FAM219A: variants seen among roughly 807,000 people sequenced by gnomAD.
The protein encoded by FAM219A is protein FAM219A.
FAM219A carries 7 observed loss-of-function variants against 23.4 expected under a neutral mutation model. The observed-to-expected ratio is 0.30, with a 90% CI of 0.17 to 0.56. The LOEUF (loss-of-function observed/expected upper bound fraction) is 0.56, where lower values mean the gene tolerates loss of function less well. Ranked by LOEUF, FAM219A falls within the 20% of genes least tolerant of loss-of-function variation. The pLI is 0.92. For synonymous variants in FAM219A, 93 were observed against 99.0 expected (o/e 0.94, Z 0.36); for missense variants, 166 against 246.9 (o/e 0.67, Z 2.20).
At chr9:34,436,759 A>G (rs763316978) in intron 1 of FAM219A, among the ~76,000 whole-genome samples, 3 of 148,252 alleles carry the variant, frequency 2.0e-5, no homozygotes, top group Admixed American at 1.4e-4. Context: ...AAAGACCTAG[A>G]TTAGTTCTCA....
chr9:34,412,156 C>T (rs921569790), intron 1 of FAM219A, among the ~76,000 whole-genome samples: 2 of 152,016 alleles, frequency 1.3e-5, no homozygotes, highest in African/African-American at 4.8e-5. Flanking sequence ...GTGCAAGACG[C>T]CTGGGAAGGG....
At chr9:34,452,789 A>G (rs1433874696) in intron 1 of FAM219A, among the ~76,000 whole-genome samples, 1 of 152,010 alleles carries the variant, frequency 6.6e-6, no homozygotes, top group Non-Finnish European at 1.5e-5. Context: ...TACTCTTCCT[A>G]TGGCCAGTTC....
chr9:34,444,791 A>G (rs1227725455), intron 1 of FAM219A, among the ~76,000 whole-genome samples: 1 of 152,138 alleles, frequency 6.6e-6, no homozygotes, highest in Non-Finnish European at 1.5e-5. Flanking sequence ...TAGCAGCCTT[A>G]CCTGACATCC....
intron 1 of FAM219A, among the ~76,000 whole-genome samples, chr9:34,419,930 C>T (rs954357045): frequency 4.6e-5 from 7 of 152,124 alleles, no homozygotes; most frequent in African/African-American, 1.7e-4. Flanking sequence ...CCTGTCGCTG[C>T]CCTTCCTCTC....
At chr9:34,451,716 G>A (rs1444727135) in intron 1 of FAM219A, among the ~76,000 whole-genome samples, 1 of 152,096 alleles carries the variant, frequency 6.6e-6, no homozygotes, top group African/African-American at 2.4e-5. Flanking sequence ...TACCACAGAA[G>A]CACCTACCCA....
intron 1 of FAM219A, among the ~76,000 whole-genome samples, chr9:34,436,887 T>C (rs1000538188): frequency 6.6e-6 from 1 of 152,230 alleles, no homozygotes; most frequent in Non-Finnish European, 1.5e-5. Context: ...ATAATGTATA[T>C]AGAACACTTT....
At chr9:34,404,456 C>T (rs1168028601) in intron 2 of FAM219A, among the ~76,000 whole-genome samples, 2 of 152,084 alleles carry the variant, frequency 1.3e-5, no homozygotes, top group African/African-American at 4.8e-5. Flanking sequence ...GCCTGTAATC[C>T]CAGCACTCTG....
At chr9:34,403,950 G>T (rs1356752833) in intron 2 of FAM219A, among the ~76,000 whole-genome samples, 1 of 152,154 alleles carries the variant, frequency 6.6e-6, no homozygotes, top group Non-Finnish European at 1.5e-5. Context: ...TCCAGCAGGT[G>T]GCAGCTGCCA....
rs184366228 is a variant in FAM219A, at chr9:34,422,341, G to A, written c.61-16377C>T. Among the ~76,000 whole-genome samples, 102 of 152,278 alleles carry A rather than the reference G, an allele frequency of 6.7e-4. 1 individual carries two copies. Among genetic ancestry groups the A allele is most frequent in the Admixed American group, 4.4e-3 (68 of 15,300 alleles). ...ATATCATTTTCATTTTAAAATTGAA[G>A]AACTAGGTTGCATAAAGTAATATGT... On this transcript the variant is annotated intron_variant, in intron 1 of 5. Coordinates refer to ENST00000651358, the MANE Select transcript of FAM219A (RefSeq NM_001184940.2).
chr9:34,426,468 T>C (rs187368322), intron 1 of FAM219A, among the ~76,000 whole-genome samples: 59 of 152,338 alleles, frequency 3.9e-4, no homozygotes, highest in African/African-American at 1.3e-3. Context: ...TCCCCACCAA[T>C]AGCCCAGCTC....
In FAM219A at chr9:34,403,097, G is replaced by A. The variant is rs183281189; in HGVS notation, c.161-290C>T. Among the ~76,000 whole-genome samples the A allele has an allele frequency of 1.6e-4, 24 of 152,302 alleles. No homozygotes were observed. In the East Asian group the frequency reaches 2.5e-3, roughly 16 times the overall value. On this transcript the variant is annotated intron_variant, in intron 2 of 5. Coordinates refer to ENST00000651358, the MANE Select transcript of FAM219A (RefSeq NM_001184940.2). Reference sequence around the variant, plus strand: ...TACTTGATGCCAGGGAAAGGCTGGCGGGGGAGAGACAATCACAGAAGGATG... The same window carrying A: ...TACTTGATGCCAGGGAAAGGCTGGCAGGGGAGAGACAATCACAGAAGGATG...
At chr9:34,426,083 C>T (rs949194841) in intron 1 of FAM219A, among the ~76,000 whole-genome samples, 1 of 152,132 alleles carries the variant, frequency 6.6e-6, no homozygotes, top group African/African-American at 2.4e-5. Context: ...GTTATAAGGC[C>T]TTCACATCTG....
At chr9:34,411,191 C>T (rs779681507) in intron 1 of FAM219A, among the ~76,000 whole-genome samples, 6 of 152,090 alleles carry the variant, frequency 3.9e-5, no homozygotes, top group Non-Finnish European at 8.8e-5. Context: ...TCCTCTCTTC[C>T]CTCACTCCAG....
chr9:34,403,532 G>T (rs1389860277), intron 2 of FAM219A, among the ~76,000 whole-genome samples: 1 of 152,210 alleles, frequency 6.6e-6, no homozygotes, highest in Non-Finnish European at 1.5e-5. Context: ...TACGCTGCCT[G>T]AGTGGTGCTC....
intron 1 of FAM219A, among the ~76,000 whole-genome samples, chr9:34,456,158 A>G (rs1274925742): frequency 1.3e-5 from 2 of 152,122 alleles, no homozygotes; most frequent in East Asian, 1.9e-4. Flanking sequence ...GTGCCACTGC[A>G]CTCTAGCCTG....
At chr9:34,416,503 C>T (rs1323801204) in intron 1 of FAM219A, among the ~76,000 whole-genome samples, 1 of 152,108 alleles carries the variant, frequency 6.6e-6, no homozygotes, top group Non-Finnish European at 1.5e-5. Flanking sequence ...GTGGTTCACG[C>T]CTGTAATCCC....
At chr9:34,414,407 A>C (rs1040229219) in intron 1 of FAM219A, among the ~76,000 whole-genome samples, 2 of 152,238 alleles carry the variant, frequency 1.3e-5, no homozygotes, top group Non-Finnish European at 2.9e-5. Context: ...GCCAGGACTT[A>C]TGTCCTTTTG....
chr9:34,419,266 C>A (rs1270168927), intron 1 of FAM219A, among the ~76,000 whole-genome samples: 1 of 151,670 alleles, frequency 6.6e-6, no homozygotes, highest in African/African-American at 2.4e-5. Context: ...CAGATTCAGA[C>A]AACACAGACT....
At position 34,398,229 on chromosome 9, in the gene FAM219A, C is replaced by T; in HGVS notation, c.*2735G>A. 1 of 1,535,922 alleles carries T rather than the reference C, an allele frequency of 6.5e-7. No individual in the cohort carries two copies. On this transcript the variant is annotated 3_prime_UTR_variant, in exon 6 of 6. Coordinates refer to ENST00000651358, the MANE Select transcript of FAM219A (RefSeq NM_001184940.2). Reference sequence around the variant, plus strand: ...ATATCATTATTTGTGTTACACGATACACAACCAAGGATGATGGTCAATACT... The same window carrying T: ...ATATCATTATTTGTGTTACACGATATACAACCAAGGATGATGGTCAATACT...
Sources: allele counts gnomAD v4.1 joint callset (sites outside exome capture counted in the v4.1 genomes callset), GRCh38; gene constraint gnomAD v4.1.1; transcripts MANE v1.5; gene names NCBI Gene and HGNC (gene_info 2026-07-23, HGNC 2026-07-21).